The following EPCAM variants were observed in gnomAD, a reference collection of about 807,000 sequenced individuals.
EPCAM encodes the protein epithelial cell adhesion molecule.
A neutral mutation model predicts 40.0 loss-of-function variants in EPCAM; 39 were observed. The ratio of observed to expected loss-of-function variants is 0.98; its 90% CI spans 0.76 to 1.27. EPCAM has a LOEUF of 1.27. EPCAM is among the 50% of genes most tolerant of loss of function. The pLI, the probability that EPCAM is intolerant of heterozygous loss-of-function variation, is 0.00. For missense variants in EPCAM, 503 were observed against 381.2 expected (o/e 1.32, Z -2.66); for synonymous variants, 168 against 132.3 (o/e 1.27, Z -1.85).
intron 7 of EPCAM, 29 bp downstream of exon 7, chr2:47,379,998 T>A: frequency 6.3e-7 from 1 of 1,582,616 alleles, no homozygotes; most frequent in South Asian, 1.1e-5. Flanking sequence ...AAATTTCATT[T>A]AAGGGTATAT....
intron 1 of EPCAM, among the ~76,000 whole-genome samples, chr2:47,372,597 C>A (rs1217816658): frequency 6.6e-6 from 1 of 152,002 alleles, no homozygotes; most frequent in African/African-American, 2.4e-5. Flanking sequence ...TATGCTGAAA[C>A]CCCGTCTCTA....
intron 1 of EPCAM, among the ~76,000 whole-genome samples, chr2:47,371,033 C>G (rs756810187): frequency 6.6e-6 from 1 of 151,360 alleles, no homozygotes; most frequent in African/African-American, 2.4e-5. Context: ...TTTGTAGAGA[C>G]GACATCTCAC....
rs771965334 is a variant in EPCAM, at chr2:47,369,522, T to C, written c.17T>C (p.Val6Ala). The C allele has an allele frequency of 6.4e-7, 1 of 1,569,488 alleles. No individual in the cohort carries two copies. The highest frequency in any genetic ancestry group is 1.2e-5 in the South Asian group (1 of 85,218). MAPPQVLAFGLLLAAA... is the reference protein window; with the variant it reads MAPPQALAFGLLLAAA... ...GCGCGCAGCATGGCGCCCCCGCAGG[T>C]CCTCGCGTTCGGGCTTCTGCTTGCC... The change falls in exon 1 of 9, where the codon GTC becomes GCC. Residue 6 changes from valine to alanine, a missense_variant. Physicochemically the swap from Val to Ala is moderately conservative, Grantham distance 64 (BLOSUM62 0). Transcript: ENST00000263735.
chr2:47,386,084 C>A (rs772079677), intron 8 of EPCAM, among the ~76,000 whole-genome samples: 1 of 152,142 alleles, frequency 6.6e-6, no homozygotes, highest in East Asian at 1.9e-4. Context: ...AAGGATTAAA[C>A]ATAATCAGTG....
intron 7 of EPCAM, among the ~76,000 whole-genome samples, chr2:47,383,598 C>T (rs1301913119): frequency 7.2e-5 from 9 of 125,474 alleles, no homozygotes; most frequent in African/African-American, 9.0e-5. Flanking sequence ...CCACTGTGCC[C>T]GGCTTCTTCT....
intron 1 of EPCAM, 28 bp downstream of exon 1, chr2:47,369,609 G>GGAGCT: frequency 6.3e-7 from 1 of 1,575,858 alleles, no homozygotes. Context: ...GCAGAGTTGT[G>GGAGCT]GAGCTGGGCT....
At chr2:47,377,920 T>G (rs1461625140) in intron 5 of EPCAM, 1 of 291,468 alleles carries the variant, frequency 3.4e-6, no homozygotes, top group Admixed American at 4.8e-5. Flanking sequence ...AGAAAGAATG[T>G]ACTTTTTTTA....
At chr2:47,382,475 C>G (rs1216242039) in intron 7 of EPCAM, among the ~76,000 whole-genome samples, 1 of 151,974 alleles carries the variant, frequency 6.6e-6, no homozygotes, top group Non-Finnish European at 1.5e-5. Context: ...TCACCTGAGG[C>G]TGGGAGTCCG....
At chr2:47,375,360 C>T (rs1349665234) in intron 4 of EPCAM, 61 bp downstream of exon 4, 1 of 1,083,454 alleles carries the variant, frequency 9.2e-7, no homozygotes, top group Non-Finnish European at 1.4e-6. Context: ...TTCCATCCTA[C>T]ACCATTAGAA....
chr2:47,385,426 G>GTTTTCTGCCTCA (rs1345242997), intron 8 of EPCAM, among the ~76,000 whole-genome samples: 61 of 152,226 alleles, frequency 4.0e-4, no homozygotes, highest in Admixed American at 1.6e-3. Context: ...TCATAGAAGA[G>GTTTTCTGCCTCA]TGGAATGGGA....
intron 5 of EPCAM, among the ~76,000 whole-genome samples, chr2:47,378,701 C>A (rs548789480): frequency 6.6e-6 from 1 of 152,222 alleles, no homozygotes; most frequent in South Asian, 2.1e-4. Flanking sequence ...TAAGAAAATC[C>A]TCTTAGGAAA....
At chr2:47,378,418 C>T (rs374729129) in intron 5 of EPCAM, among the ~76,000 whole-genome samples, 1 of 151,214 alleles carries the variant, frequency 6.6e-6, no homozygotes, top group Non-Finnish European at 1.5e-5. Context: ...TCTCCTGCCT[C>T]AGCTTCCCTG....
intron 7 of EPCAM, among the ~76,000 whole-genome samples, chr2:47,384,061 C>T (rs1001117821): frequency 5.9e-5 from 9 of 151,480 alleles, no homozygotes; most frequent in African/African-American, 2.2e-4. Context: ...TTTCACTTGT[C>T]GTGGTAGACT....
chr2:47,372,013 A>G (rs1265335696), intron 1 of EPCAM, among the ~76,000 whole-genome samples: 2 of 152,160 alleles, frequency 1.3e-5, no homozygotes, highest in East Asian at 3.9e-4. Flanking sequence ...AAGGAATTAG[A>G]TAGTCTTGCC....
intron 5 of EPCAM, chr2:47,377,739 A>G (rs747291988): frequency 2.2e-6 from 1 of 454,002 alleles, no homozygotes; most frequent in East Asian, 7.6e-5. Flanking sequence ...GTTTTGGTGC[A>G]TATTTACTTT....
intron 4 of EPCAM, among the ~76,000 whole-genome samples, chr2:47,375,562 T>G (rs1479478697): frequency 1.3e-5 from 2 of 152,164 alleles, no homozygotes; most frequent in African/African-American, 4.8e-5. Flanking sequence ...TATCTATGCA[T>G]GTATAAATAT....
intron 7 of EPCAM, among the ~76,000 whole-genome samples, chr2:47,383,906 T>C (rs950971105): frequency 1.3e-5 from 2 of 151,648 alleles, no homozygotes; most frequent in African/African-American, 4.8e-5. Flanking sequence ...CAAAGTGCTG[T>C]GATTATAGGC....
In EPCAM at chr2:47,369,480, G is replaced by T. The variant is rs2103737809; in HGVS notation, c.-26G>T. ...CCCGCGAGTCCCGGGCCCCTCCCGCGCCCCTCTTCTCGGCGCGCGCGCAGC... is the reference window on the plus strand; with the variant it reads ...CCCGCGAGTCCCGGGCCCCTCCCGCTCCCCTCTTCTCGGCGCGCGCGCAGC... On this transcript the variant is annotated 5_prime_UTR_variant, in exon 1 of 9. Transcript: ENST00000263735. 4 of 1,507,356 alleles carry T rather than the reference G, an allele frequency of 2.7e-6. No individual in the cohort carries two copies. Among genetic ancestry groups the T allele is most frequent in the Non-Finnish European group, 1.8e-6 (2 of 1,132,296 alleles). The allele number at this position is 1,507,356 out of a possible 1,614,324, so 93.4% of individuals were successfully genotyped here. A position where few individuals can be genotyped will look rare whatever the true frequency, so the allele number is the denominator to read the frequency against.
chr2:47,369,612 G>C, intron 1 of EPCAM, 31 bp downstream of exon 1: 1 of 1,562,906 alleles, frequency 6.4e-7, no homozygotes, highest in Non-Finnish European at 8.7e-7. Context: ...GAGTTGTGGA[G>C]CTGGGCTGGG....
Sources: allele counts gnomAD v4.1 joint callset (sites outside exome capture counted in the v4.1 genomes callset), GRCh38; gene constraint gnomAD v4.1.1; transcripts MANE v1.5; gene names NCBI Gene and HGNC (gene_info 2026-07-23, HGNC 2026-07-21).